ANKRD44: variants seen among roughly 807,000 people sequenced by gnomAD.
ANKRD44 encodes ankyrin repeat domain 44, also known as serine/threonine-protein phosphatase 6 regulatory ankyrin repeat subunit B.
ANKRD44 carries 35 observed loss-of-function variants against 116.0 expected under a neutral mutation model. That is an observed-to-expected ratio of 0.30 (90% CI 0.23 to 0.40). The LOEUF (loss-of-function observed/expected upper bound fraction) is 0.40. Among genes scored for constraint, ANKRD44 ranks in the 10% least tolerant of loss-of-function variants. The pLI is 1.00. For synonymous variants in ANKRD44, 435 were observed against 461.8 expected, an observed-to-expected ratio of 0.94 and a Z score of 0.74; for missense variants, 1,014 against 1,242.6, an observed-to-expected ratio of 0.82 and a Z score of 2.77.
Position 197,201,278 on chromosome 2 carries a change from T to C in ANKRD44, c.28-14172A>G, listed in dbSNP as rs368664835. On this transcript the variant is annotated intron_variant, in intron 1 of 27. Transcript: ENST00000282272. This position sits in a 1 kb window ranked among gnomAD's most constrained non-coding sequence, Gnocchi z 4.0. The stretch of plus-strand genomic sequence containing the variant: ...TGAAGACATAATCTTGACAGTCATA[T>C]TACAGAAAATAAGGGAGTGAGTTAC... 2.0e-5 allele frequency among the ~76,000 whole-genome samples: 3 copies of C among 152,382 alleles called. No homozygotes were observed. In the East Asian group the frequency reaches 5.8e-4, roughly 29 times the overall value.
At chr2:197,176,700 C>A (rs1209334740) in intron 2 of ANKRD44, among the ~76,000 whole-genome samples, 2 of 152,076 alleles carry the variant, frequency 1.3e-5, no homozygotes, top group Non-Finnish European at 2.9e-5. Flanking sequence ...GTGTTACATG[C>A]AGAAAGACTT....
intron 21 of ANKRD44, among the ~76,000 whole-genome samples, chr2:197,002,188 A>G (rs901589870): frequency 6.6e-6 from 1 of 152,216 alleles, no homozygotes; most frequent in African/African-American, 2.4e-5. Flanking sequence ...TATAAGAGGA[A>G]ATGTACCTTT....
At chr2:197,129,892 C>A (rs976944158) in intron 4 of ANKRD44, among the ~76,000 whole-genome samples, 4 of 152,122 alleles carry the variant, frequency 2.6e-5, no homozygotes, top group Non-Finnish European at 5.9e-5. Flanking sequence ...CAGCCATAAG[C>A]AATGTCAAGT....
chr2:196,992,001 T>C (rs1371884163), intron 27 of ANKRD44, among the ~76,000 whole-genome samples: 2 of 152,226 alleles, frequency 1.3e-5, no homozygotes, highest in African/African-American at 4.8e-5. Flanking sequence ...GTTATTCTCA[T>C]TTAGACTCAA....
chr2:197,101,923 T>C lies in ANKRD44; in HGVS notation c.986-1993A>G, dbSNP rs1276362642. Among the ~76,000 whole-genome samples, 3 of 152,184 alleles carry C rather than the reference T, an allele frequency of 2.0e-5. No homozygotes were observed. In the East Asian group the frequency reaches 5.8e-4, roughly 29 times the overall value. ...ATTTTAATAATATGTAAAATACATG[T>C]TTCAAAAGTCAAAAGTCATATTTTT... On this transcript the variant is annotated intron_variant, in intron 9 of 27. Coordinates refer to ENST00000282272, the MANE Select transcript of ANKRD44 (RefSeq NM_001195144.2).
intron 2 of ANKRD44, among the ~76,000 whole-genome samples, chr2:197,171,887 A>G (rs1364200438): frequency 6.6e-6 from 1 of 152,158 alleles, no homozygotes; most frequent in Non-Finnish European, 1.5e-5. Flanking sequence ...TTAGAAATTC[A>G]ATTAAAAGGT....
chr2:197,074,692 T>C (rs576953865), intron 16 of ANKRD44, among the ~76,000 whole-genome samples: 1 of 152,274 alleles, frequency 6.6e-6, no homozygotes, highest in African/African-American at 2.4e-5. Context: ...TTGCCCAGGT[T>C]GGTCTTGAAT....
intron 16 of ANKRD44, chr2:197,077,935 A>T (rs2077706645): frequency 6.6e-6 from 1 of 152,140 alleles, no homozygotes; most frequent in Admixed American, 6.6e-5. Context: ...CTTCTTATGG[A>T]CAGGAAAAAC....
At chr2:197,055,679 G>GA (rs2077190170) in intron 16 of ANKRD44, among the ~76,000 whole-genome samples, 1 of 152,118 alleles carries the variant, frequency 6.6e-6, no homozygotes, top group Non-Finnish European at 1.5e-5. Flanking sequence ...ACTATTTGGT[G>GA]AAAAGATAAT....
chr2:197,228,437 C>T (rs544467885), intron 1 of ANKRD44, among the ~76,000 whole-genome samples: 17 of 152,328 alleles, frequency 1.1e-4, no homozygotes, highest in South Asian at 2.1e-4. Flanking sequence ...TCAAACTCTT[C>T]GCTTTCTCAC....
chr2:197,123,018 GCCTT>G (rs2078893920), intron 6 of ANKRD44, among the ~76,000 whole-genome samples: 2 of 152,192 alleles, frequency 1.3e-5, no homozygotes, highest in Non-Finnish European at 1.5e-5. Context: ...TCATATGTGA[GCCTT>G]CTCTTCAAGG....
chr2:197,110,866 A>T, intron 8 of ANKRD44, 22 bp from the exon 9 acceptor site: 1 of 1,594,200 alleles, frequency 6.3e-7, no homozygotes. Context: ...AGAGGGAGAG[A>T]AAAACAATGG....
chr2:197,180,185 C>T (rs2080469892), intron 2 of ANKRD44, among the ~76,000 whole-genome samples: 1 of 152,078 alleles, frequency 6.6e-6, no homozygotes, highest in South Asian at 2.1e-4. Flanking sequence ...TTTCCAGATG[C>T]ATGTGGCCAG....
intron 22 of ANKRD44, among the ~76,000 whole-genome samples, chr2:197,001,168 T>C (rs2076108266): frequency 6.6e-6 from 1 of 152,190 alleles, no homozygotes; most frequent in Non-Finnish European, 1.5e-5. Context: ...CCAGAGACAA[T>C]GTAAAGACAA....
intron 2 of ANKRD44, among the ~76,000 whole-genome samples, chr2:197,163,920 G>C (rs1049688679): frequency 2.0e-5 from 3 of 152,172 alleles, no homozygotes; most frequent in African/African-American, 4.8e-5. Context: ...GAAGCTCCGC[G>C]CCCGGCCACC....
chr2:197,222,156 G>C (rs1428413939), intron 1 of ANKRD44, among the ~76,000 whole-genome samples: 1 of 152,194 alleles, frequency 6.6e-6, no homozygotes, highest in Non-Finnish European at 1.5e-5. Context: ...ATGTGAGACT[G>C]TGATAACTGC....
intron 8 of ANKRD44, among the ~76,000 whole-genome samples, chr2:197,120,423 G>T (rs2078825094): frequency 6.6e-6 from 1 of 152,196 alleles, no homozygotes; most frequent in Admixed American, 6.5e-5. Flanking sequence ...GCTGAGGCAG[G>T]TGGATCACTT....
At chr2:197,184,676 TTCC>T (rs2080609340) in intron 2 of ANKRD44, among the ~76,000 whole-genome samples, 2 of 151,506 alleles carry the variant, frequency 1.3e-5, no homozygotes, top group Admixed American at 1.3e-4. Context: ...TTCCATGCTT[TTCC>T]TCCATGCTCT....
At position 197,009,040 on chromosome 2, in the gene ANKRD44, G is replaced by C; in HGVS notation, c.1925-9C>G. The C allele has an allele frequency of 6.2e-7, 1 of 1,609,506 alleles. No homozygotes were observed. On this transcript the variant is annotated splice_polypyrimidine_tract_variant and intron_variant, in intron 18 of 27. Coordinates refer to ENST00000282272, the MANE Select transcript of ANKRD44 (RefSeq NM_001195144.2). ...TGTGTGACCATTAATTACTGAAAAAGAAAACAGTGGACAGTCTTTTAACAG... is the reference window on the plus strand; with the variant it reads ...TGTGTGACCATTAATTACTGAAAAACAAAACAGTGGACAGTCTTTTAACAG...
Sources: gnomAD v4.1 joint callset for allele counts (sites outside exome capture counted in the v4.1 genomes callset) on GRCh38, gnomAD v4.1.1 for gene constraint, Gnocchi (gnomAD v3.1) non-coding constraint, MANE v1.5 for transcripts, NCBI Gene and HGNC (gene_info 2026-07-23, HGNC 2026-07-21) for gene names.